MMP15: variants seen among roughly 807,000 people sequenced by gnomAD.
The protein encoded by MMP15 is matrix metallopeptidase 15.
A neutral mutation model predicts 65.0 loss-of-function variants in MMP15; 36 were observed. The observed-to-expected ratio is 0.55, with a 90% CI of 0.42 to 0.73. MMP15 has a LOEUF of 0.73. Among genes scored for constraint, MMP15 ranks in the 30% least tolerant of loss-of-function variants. The pLI is 0.00. For synonymous variants in MMP15, 428 were observed against 410.2 expected, an observed-to-expected ratio of 1.04 and a Z score of -0.52; for missense variants, 870 against 987.8, an observed-to-expected ratio of 0.88 and a Z score of 1.60.
chr16:58,026,162 G>T lies in MMP15; in HGVS notation c.-189G>T. ...CCCGCCGGCTGGTTCCGAGCTCCCG[G>T]ACCTGCCCTGCCCGCTTCTCCTCGG... is the stretch of plus-strand genomic sequence containing the variant. On this transcript the variant is annotated 5_prime_UTR_variant, in exon 1 of 10. Transcript: ENST00000219271. The T allele has an allele frequency of 1.8e-6, 1 of 545,312 alleles. No individual in the cohort carries two copies. Among genetic ancestry groups the T allele is most frequent in the Middle Eastern group, 5.5e-4 (1 of 1,826 alleles). The allele number at this position is 545,312 out of a possible 1,614,324, so 33.8% of individuals were successfully genotyped here.
Position 58,041,761 on chromosome 16 carries a change from C to T in MMP15, c.1055C>T (p.Pro352Leu), listed in dbSNP as rs1959460020. 1.2e-6 allele frequency: 2 copies of T among 1,606,028 alleles called. No homozygotes were observed. The highest frequency in any genetic ancestry group is 1.3e-5 in the African/African-American group (1 of 74,752). The part of the protein sequence containing the change: ...GKPERPPKPG[P>L]PVQPRATERP... The stretch of plus-strand genomic sequence containing the variant: ...CCAGAGCGGCCCCCAAAGCCGGGCC[C>T]CCCAGTCCAGCCCCGAGCCACAGAG... Residue 352 changes from proline (P) to leucine (L), a missense_variant, in exon 6 of 10, where the codon CCC becomes CTC. Transcript: ENST00000219271.
chr16:58,040,616 C>A lies in MMP15; in HGVS notation c.828C>A (p.Ile276=). 1 of 1,614,224 alleles carries A rather than the reference C, an allele frequency of 6.2e-7. No individual in the cohort carries two copies. Among genetic ancestry groups the A allele is most frequent in the Non-Finnish European group, 8.5e-7 (1 of 1,180,050 alleles). Reference sequence around the variant, plus strand: ...AGCACTCCAGCAACCCCAATGCCATCATGGCGCCGTTCTACCAGTGGAAGG... The same window carrying A: ...AGCACTCCAGCAACCCCAATGCCATAATGGCGCCGTTCTACCAGTGGAAGG... ...GLEHSSNPNA[I]MAPFYQWKDV... The change falls in exon 5 of 10, where the codon ATC becomes ATA. Residue 276 remains isoleucine, a synonymous_variant. Coordinates refer to ENST00000219271, the MANE Select transcript of MMP15 (RefSeq NM_002428.4).
chr16:58,044,507 C>T (rs980335917), intron 9 of MMP15, among the ~76,000 whole-genome samples: 10 of 152,174 alleles, frequency 6.6e-5, no homozygotes, highest in Admixed American at 5.2e-4. Flanking sequence ...ACTCTGCAGC[C>T]GCTCTGATCT....
rs1235880200 is a variant in MMP15, at chr16:58,041,869, A to G, written c.1163A>G (p.Lys388Arg). 1 of 1,582,694 alleles carries G rather than the reference A, an allele frequency of 6.3e-7. No individual in the cohort carries two copies. Among genetic ancestry groups the G allele is most frequent in the Non-Finnish European group, 8.6e-7 (1 of 1,164,856 alleles). The change falls in exon 6 of 10, where the codon AAG becomes AGG. Residue 388 changes from lysine to arginine, a missense_variant and splice_region_variant. Lys to Arg is a conservative substitution (Grantham distance 26). Coordinates refer to ENST00000219271, the MANE Select transcript of MMP15 (RefSeq NM_002428.4). ...AMLRGEMFVF[K>R]GRWFWRVRHN... is the part of the protein sequence containing the mutation. Reference sequence around the variant, plus strand: ...CTTCGCGGGGAGATGTTCGTGTTCAAGGTCTGGCCCCGCCTCCCATGCCTG... The same window carrying G: ...CTTCGCGGGGAGATGTTCGTGTTCAGGGTCTGGCCCCGCCTCCCATGCCTG...
chr16:58,040,097 C>T lies in MMP15; in HGVS notation c.663C>T (p.His221=), dbSNP rs753711681. The T allele has an allele frequency of 7.4e-6, 12 of 1,614,058 alleles. No homozygotes were observed. Among genetic ancestry groups the T allele is most frequent in the Middle Eastern group, 1.6e-4 (1 of 6,062 alleles). Residue 221 remains histidine (H), a synonymous_variant, in exon 4 of 10, where the codon CAC becomes CAT. Coordinates refer to ENST00000219271, the MANE Select transcript of MMP15 (RefSeq NM_002428.4). ...PFDGTGGFLA[H]AYFPGPGLGG... ...ATGGCACCGGTGGCTTTCTGGCCCA[C>T]GCCTATTTCCCTGGCCCCGGCCTAG...
In MMP15 at chr16:58,043,509, C is replaced by T. The variant is rs1411884559; in HGVS notation, c.1455-3C>T. 6 of 1,613,648 alleles carry T rather than the reference C, an allele frequency of 3.7e-6. No individual in the cohort carries two copies. The highest frequency in any genetic ancestry group is 5.1e-6 in the Non-Finnish European group (6 of 1,179,794). On this transcript the variant is annotated splice_polypyrimidine_tract_variant and splice_region_variant and intron_variant, in intron 8 of 9. Coordinates refer to ENST00000219271, the MANE Select transcript of MMP15 (RefSeq NM_002428.4). ...GTCCACAGCCTGGTGCTTTTGTTCACAGGTACTGGCGCTTCAACGAGGAGA... is the reference window on the plus strand; with the variant it reads ...GTCCACAGCCTGGTGCTTTTGTTCATAGGTACTGGCGCTTCAACGAGGAGA...
At chr16:58,033,187 G>T (rs916865970) in intron 1 of MMP15, among the ~76,000 whole-genome samples, 1 of 152,228 alleles carries the variant, frequency 6.6e-6, no homozygotes, top group Admixed American at 6.5e-5. Flanking sequence ...CCCGGCCGGA[G>T]ATGTCGGGTG....
intron 1 of MMP15, among the ~76,000 whole-genome samples, chr16:58,029,015 A>G (rs1963862057): frequency 6.6e-6 from 1 of 151,360 alleles, no homozygotes; most frequent in African/African-American, 2.4e-5. Context: ...GCCTCCCCCT[A>G]CCCCCTCCTC....
Position 58,043,596 on chromosome 16 carries a change from C to G in MMP15, c.1539C>G (p.Ser513=), listed in dbSNP as rs774513639. 1.9e-6 allele frequency: 3 copies of G among 1,612,970 alleles called. No homozygotes were observed. The East Asian group carries it at 6.7e-5, about 36-fold the overall frequency. Reference sequence around the variant, plus strand: ...GTGTCTGGCAGGGGATCCCTGCCTCCCCTAAAGGGGCCTTCCTGAGCAATG... The same window carrying G: ...GTGTCTGGCAGGGGATCCCTGCCTCGCCTAAAGGGGCCTTCCTGAGCAATG... The part of the protein sequence containing the change: ...PISVWQGIPA[S]PKGAFLSNDA... Residue 513 remains serine (S), a synonymous_variant, in exon 9 of 10, where the codon TCC becomes TCG. Coordinates refer to ENST00000219271, the MANE Select transcript of MMP15 (RefSeq NM_002428.4).
intron 1 of MMP15, among the ~76,000 whole-genome samples, chr16:58,032,642 C>T (rs984772299): frequency 4.6e-5 from 7 of 152,240 alleles, no homozygotes; most frequent in African/African-American, 1.4e-4. Flanking sequence ...CTGGCTCCTC[C>T]AGGACTCATC....
At chr16:58,030,494 A>C in intron 1 of MMP15, among the ~76,000 whole-genome samples, 1 of 152,068 alleles carries the variant, frequency 6.6e-6, no homozygotes, top group African/African-American at 2.4e-5. Flanking sequence ...AAGAGACCCA[A>C]CTCAGCCTCC....
At position 58,038,261 on chromosome 16, in the gene MMP15, C is replaced by G. The variant is rs761708885; in HGVS notation, c.312-5C>G. ...CGTGCTCACCCCTCTGTGTCCATGT[C>G]CCAGGTGGATGAAGCGGCCCCGCTG... On this transcript the variant is annotated splice_polypyrimidine_tract_variant and splice_region_variant and intron_variant, in intron 2 of 9. Coordinates refer to ENST00000219271, the MANE Select transcript of MMP15 (RefSeq NM_002428.4). 4.3e-6 allele frequency: 7 copies of G among 1,613,556 alleles called. No homozygotes were observed. In the African/African-American group the frequency reaches 9.3e-5, roughly 22 times the overall value.
At chr16:58,032,356 CCTTCCGGGGGCTGA>C (rs1477219644) in intron 1 of MMP15, among the ~76,000 whole-genome samples, 10 of 152,248 alleles carry the variant, frequency 6.6e-5, no homozygotes, top group Admixed American at 6.5e-4. Context: ...CAAGGGGCAG[CCTTCCGGGGGCTGA>C]CTTCCGCTCA....
chr16:58,038,908 A>G (rs1200204766), intron 3 of MMP15, among the ~76,000 whole-genome samples: 2 of 152,180 alleles, frequency 1.3e-5, no homozygotes. Context: ...AGTGGTTCCC[A>G]TGGTCACTTA....
Position 58,040,147 on chromosome 16 carries a change from A to G in MMP15, c.713A>G (p.Asp238Gly). 6.2e-7 allele frequency: 1 copy of G among 1,612,886 alleles called. No homozygotes were observed. Among genetic ancestry groups the G allele is most frequent in the Non-Finnish European group, 8.5e-7 (1 of 1,180,018 alleles). ...GLGGDTHFDA[D>G]EPWTFSSTDL... ...GGCGGGGACACCCATTTTGACGCAGATGAGCCCTGGACCTTCTCCAGCACT... is the reference window on the plus strand; with the variant it reads ...GGCGGGGACACCCATTTTGACGCAGGTGAGCCCTGGACCTTCTCCAGCACT... Residue 238 changes from aspartate (D) to glycine (G), a missense_variant, in exon 4 of 10, where the codon GAT (aspartate) becomes GGT (glycine). Coordinates refer to ENST00000219271, the MANE Select transcript of MMP15 (RefSeq NM_002428.4).
At position 58,026,268 on chromosome 16, in the gene MMP15, G is replaced by A; in HGVS notation, c.-83G>A. 1.6e-6 allele frequency: 2 copies of A among 1,230,114 alleles called. No homozygotes were observed. Among genetic ancestry groups the A allele is most frequent in the Non-Finnish European group, 2.0e-6 (2 of 983,342 alleles). The allele number at this position is 1,230,114 out of a possible 1,614,324, so 76.2% of individuals were successfully genotyped here. On this transcript the variant is annotated 5_prime_UTR_variant, in exon 1 of 10. Coordinates refer to ENST00000219271, the MANE Select transcript of MMP15 (RefSeq NM_002428.4). ...GGTCCGCGGCGCGCCTGCCGGGCCAGGAGCCAGGGAGCGTCGCAAGTTTCC... is the reference window on the plus strand; with the variant it reads ...GGTCCGCGGCGCGCCTGCCGGGCCAAGAGCCAGGGAGCGTCGCAAGTTTCC...
chr16:58,026,399 C>A lies in MMP15; in HGVS notation c.49C>A (p.Leu17Ile). Residue 17 changes from leucine to isoleucine, a missense_variant, in exon 1 of 10, where the codon CTC (leucine) becomes ATC (isoleucine). Physicochemically the swap from Leu to Ile is conservative, Grantham distance 5 (BLOSUM62 2). Coordinates refer to ENST00000219271, the MANE Select transcript of MMP15 (RefSeq NM_002428.4). The part of the protein sequence containing the change: ...APGRPGWTGS[L>I]LGDREEAARP... Reference sequence around the variant, plus strand: ...CGGACGGCCGGGCTGGACGGGCAGCCTCCTCGGCGACCGGGAGGAGGCGGC... The same window carrying A: ...CGGACGGCCGGGCTGGACGGGCAGCATCCTCGGCGACCGGGAGGAGGCGGC... The A allele has an allele frequency of 7.0e-7, 1 of 1,420,850 alleles. No homozygotes were observed. 88.0% of individuals were successfully genotyped at this position (1,420,850 alleles called of 1,614,324 possible). A position where few individuals can be genotyped will look rare whatever the true frequency, so the allele number is the denominator to read the frequency against.
chr16:58,034,445 C>A (rs1959291554), intron 1 of MMP15, among the ~76,000 whole-genome samples: 1 of 150,988 alleles, frequency 6.6e-6, no homozygotes, highest in Non-Finnish European at 1.5e-5. Flanking sequence ...CAGGAAACTT[C>A]TTCCTGGACC....
rs1416074098 is a variant in MMP15, at chr16:58,026,523, C to T, written c.162+11C>T. On this transcript the variant is annotated intron_variant, in intron 1 of 9. Coordinates refer to ENST00000219271, the MANE Select transcript of MMP15 (RefSeq NM_002428.4). ...GAGGTCCATGCCGAGGTAAGACCCCCGCCCTGCCCTTTGGCTGCGGGCTGG... is the reference window on the plus strand; with the variant it reads ...GAGGTCCATGCCGAGGTAAGACCCCTGCCCTGCCCTTTGGCTGCGGGCTGG... 13 of 1,321,012 alleles carry T rather than the reference C, an allele frequency of 9.8e-6. No homozygotes were observed. The highest frequency in any genetic ancestry group is 9.2e-5 in the African/African-American group (6 of 64,964). 81.8% of individuals were successfully genotyped at this position (1,321,012 alleles called of 1,614,324 possible).
Sources: gnomAD v4.1 joint callset for allele counts (sites outside exome capture counted in the v4.1 genomes callset) on GRCh38, gnomAD v4.1.1 for gene constraint, MANE v1.5 for transcripts, NCBI Gene and HGNC (gene_info 2026-07-23, HGNC 2026-07-21) for gene names.